MYEF2: variants seen among roughly 807,000 people sequenced by gnomAD.
MYEF2 encodes myelin expression factor 2, also known as myelin gene expression factor 2.
Under a neutral mutation model 75.2 loss-of-function variants are expected in MYEF2, and 37 were observed. The observed-to-expected ratio is 0.49, with a 90% CI of 0.38 to 0.65. MYEF2 has a LOEUF of 0.65. Ranked by LOEUF, MYEF2 falls within the 30% of genes least tolerant of loss-of-function variation. The pLI is 0.00. For missense variants in MYEF2, 634 were observed against 771.4 expected (o/e 0.82, Z 2.11); for synonymous variants, 195 against 241.6 (o/e 0.81, Z 1.79).
chr15:48,155,571 G>A (rs1349325861), intron 9 of MYEF2, among the ~76,000 whole-genome samples: 1 of 151,268 alleles, frequency 6.6e-6, no homozygotes, highest in Non-Finnish European at 1.5e-5. Context: ...ACTGTACCCA[G>A]AATACTTAAG....
intron 2 of MYEF2, 140 bp from the exon 3 acceptor site, chr15:48,167,541 C>G: frequency 1.6e-6 from 1 of 617,594 alleles, no homozygotes; most frequent in Non-Finnish European, 2.8e-6. Flanking sequence ...CAACATACCT[C>G]CTATCAATGG....
Position 48,141,992 on chromosome 15 carries a change from G to T in MYEF2, c.*916C>A. On this transcript the variant is annotated 3_prime_UTR_variant, in exon 17 of 17. Coordinates refer to ENST00000324324, the MANE Select transcript of MYEF2 (RefSeq NM_016132.5). ...AAGATTATTAATAAAACACAGTATT[G>T]GTAAGCACATTTTAACAGTATGCTT... 1 of 1,452,306 alleles carries T rather than the reference G, an allele frequency of 6.9e-7. No individual in the cohort carries two copies. The allele number at this position is 1,452,306 out of a possible 1,614,324, so 90.0% of individuals were successfully genotyped here.
intron 10 of MYEF2, 169 bp downstream of exon 10, chr15:48,153,623 C>A: frequency 1.7e-6 from 1 of 585,842 alleles, no homozygotes; most frequent in Non-Finnish European, 3.0e-6. Flanking sequence ...CTATCTCTTT[C>A]ATGTTAGCTG....
At chr15:48,164,583 T>G (rs917686229) in intron 5 of MYEF2, among the ~76,000 whole-genome samples, 5 of 152,162 alleles carry the variant, frequency 3.3e-5, no homozygotes, top group Non-Finnish European at 7.4e-5. Context: ...GTAGGTAAAA[T>G]GCTATCAAAC....
At position 48,135,215 on chromosome 15, in the gene MYEF2, G is replaced by A; in HGVS notation, c.*7693C>T. ...CTCCTTTTTTCTCTCACTAGTCACT[G>A]GAGACCACCACTTTTCCTTCTCCCC... On this transcript the variant is annotated 3_prime_UTR_variant, in exon 17 of 17. Transcript: ENST00000324324. 5.7e-6 allele frequency: 2 copies of A among 349,746 alleles called. No individual in the cohort carries two copies. The allele number at this position is 349,746 out of a possible 1,614,324, so 21.7% of individuals were successfully genotyped here.
intron 5 of MYEF2, 53 bp downstream of exon 5, chr15:48,165,880 G>A: frequency 7.7e-7 from 1 of 1,303,518 alleles, no homozygotes; most frequent in Non-Finnish European, 1.1e-6. Flanking sequence ...AAAATCCAAG[G>A]AAAACATGTC....
Position 48,149,116 on chromosome 15 carries a change from A to C in MYEF2, c.1588-33T>G. The stretch of plus-strand genomic sequence containing the variant: ...GAAAAGAGGTATTAGTAACATATAT[A>C]CAAGAAAAAAAAGAATTTGAATTAT... On this transcript the variant is annotated intron_variant, in intron 15 of 16. Coordinates refer to ENST00000324324, the MANE Select transcript of MYEF2 (RefSeq NM_016132.5). The surrounding 1 kb of genome is among the most constrained non-coding windows in gnomAD (Gnocchi z 4.0). 1 of 1,612,452 alleles carries C rather than the reference A, an allele frequency of 6.2e-7. No individual in the cohort carries two copies. Among genetic ancestry groups the C allele is most frequent in the South Asian group, 1.1e-5 (1 of 90,978 alleles).
chr15:48,162,581 G>A (rs2039980591), intron 5 of MYEF2: 1 of 152,144 alleles, frequency 6.6e-6, no homozygotes, highest in Non-Finnish European at 1.5e-5. Context: ...TCACTTTACT[G>A]TGCTTTGCAG....
Position 48,159,547 on chromosome 15 carries a change from C to G in MYEF2, c.717+66G>C, listed in dbSNP as rs934736715. 2.8e-5 allele frequency: 39 copies of G among 1,382,284 alleles called. No individual in the cohort carries two copies. The African/African-American group carries it at 5.5e-4, about 20-fold the overall frequency. 85.6% of individuals were successfully genotyped at this position (1,382,284 alleles called of 1,614,324 possible). A position where few individuals can be genotyped will look rare whatever the true frequency, so the allele number is the denominator to read the frequency against. ...AGCAAAATGTTCTATAAACCTATAA[C>G]TCATTCATTTAATCAAATTAGCTAT... is the stretch of plus-strand genomic sequence containing the variant. On this transcript the variant is annotated intron_variant, in intron 6 of 16. Transcript: ENST00000324324.
intron 13 of MYEF2, 41 bp from the exon 14 acceptor site, chr15:48,151,212 A>AG: frequency 1.3e-6 from 2 of 1,498,260 alleles, no homozygotes; most frequent in Non-Finnish European, 1.8e-6. Flanking sequence ...TTAATTTTAA[A>AG]TAATCATACT....
intron 7 of MYEF2, 144 bp downstream of exon 7, chr15:48,158,625 C>T: frequency 2.1e-6 from 2 of 941,486 alleles, no homozygotes; most frequent in Non-Finnish European, 3.2e-6. Flanking sequence ...CTTGGACCTA[C>T]TAAGGGTTTT....
intron 10 of MYEF2, chr15:48,153,269 A>T (rs1303305697): frequency 6.6e-6 from 1 of 152,012 alleles, no homozygotes. Flanking sequence ...TTCATTTATA[A>T]TACAGTAAAT....
chr15:48,141,887 T>G lies in MYEF2; in HGVS notation c.*1021A>C, dbSNP rs2140779932. 1 of 535,408 alleles carries G rather than the reference T, an allele frequency of 1.9e-6. No homozygotes were observed. The highest frequency in any genetic ancestry group is 3.0e-5 in the East Asian group (1 of 33,780). 33.2% of individuals were successfully genotyped at this position (535,408 alleles called of 1,614,324 possible). A position where few individuals can be genotyped will look rare whatever the true frequency, so the allele number is the denominator to read the frequency against. Reference sequence around the variant, plus strand: ...CCCAAGAAAAATTTAAAAATACAAATTCAGTAAGACTTTTGCTCTAACAAC... The same window carrying G: ...CCCAAGAAAAATTTAAAAATACAAAGTCAGTAAGACTTTTGCTCTAACAAC... On this transcript the variant is annotated 3_prime_UTR_variant, in exon 17 of 17. Transcript: ENST00000324324.
chr15:48,174,978 T>C (rs531079980), intron 1 of MYEF2, among the ~76,000 whole-genome samples: 1 of 152,244 alleles, frequency 6.6e-6, no homozygotes, highest in Admixed American at 6.5e-5. Context: ...CAAGGAGATA[T>C]CTGCACTCCC....
At chr15:48,151,029 T>C in intron 14 of MYEF2, 71 bp downstream of exon 14, 1 of 1,043,022 alleles carries the variant, frequency 9.6e-7, no homozygotes, top group East Asian at 2.5e-5. Flanking sequence ...TATACTACGA[T>C]AACTACTCTT....
intron 1 of MYEF2, among the ~76,000 whole-genome samples, chr15:48,175,363 G>C (rs943512720): frequency 1.3e-5 from 2 of 152,108 alleles, no homozygotes; most frequent in African/African-American, 4.8e-5. Context: ...TCAGTTATAA[G>C]ATGAGTAAGT....
intron 9 of MYEF2, among the ~76,000 whole-genome samples, chr15:48,154,793 G>C (rs1459904368): frequency 1.3e-5 from 2 of 151,982 alleles, no homozygotes; most frequent in South Asian, 2.1e-4. Context: ...AAGCAGAGGA[G>C]TGATGACACA....
intron 9 of MYEF2, among the ~76,000 whole-genome samples, chr15:48,154,999 G>A (rs1220908911): frequency 3.3e-5 from 5 of 151,798 alleles, no homozygotes; most frequent in East Asian, 1.9e-4. Context: ...AAAATATCCA[G>A]AAGAATCCAA....
intron 10 of MYEF2, 22 bp from the exon 11 acceptor site, chr15:48,152,306 G>T: frequency 6.4e-7 from 1 of 1,566,366 alleles, no homozygotes; most frequent in Non-Finnish European, 8.7e-7. Flanking sequence ...TACACAGTAT[G>T]TACTTTAAGT....
Sources: gnomAD v4.1 joint callset for allele counts (sites outside exome capture counted in the v4.1 genomes callset) on GRCh38, gnomAD v4.1.1 for gene constraint, Gnocchi (gnomAD v3.1) non-coding constraint, MANE v1.5 for transcripts, NCBI Gene and HGNC (gene_info 2026-07-23, HGNC 2026-07-21) for gene names.